SNRPN: variants seen among roughly 807,000 people sequenced by gnomAD.
The protein encoded by SNRPN is small nuclear ribonucleoprotein polypeptide N.
Under a neutral mutation model 25.2 loss-of-function variants are expected in SNRPN, and 7 were observed. That is an observed-to-expected ratio of 0.28 (90% CI 0.16 to 0.52). The LOEUF (loss-of-function observed/expected upper bound fraction) is 0.52. Among genes scored for constraint, SNRPN ranks in the 20% least tolerant of loss-of-function variants. The pLI is 0.96. For missense variants in SNRPN, 196 were observed against 322.5 expected (o/e 0.61, Z 3.00); for synonymous variants, 124 against 110.6 (o/e 1.12, Z -0.76).
At chr15:24,924,515 G>A (rs544684987) in intron 3 of SNRPN, among the ~76,000 whole-genome samples, 2 of 152,172 alleles carry the variant, frequency 1.3e-5, no homozygotes, top group South Asian at 4.1e-4. Flanking sequence ...ACCTCTGCCT[G>A]TATGAGCTGC....
At chr15:24,900,507 G>T (rs1161702584) in intron 2 of SNRPN, among the ~76,000 whole-genome samples, 1 of 152,078 alleles carries the variant, frequency 6.6e-6, no homozygotes, top group East Asian at 1.9e-4. Flanking sequence ...TTGCACAAAA[G>T]CTGGGTTAGA....
intron 3 of SNRPN, among the ~76,000 whole-genome samples, chr15:24,972,916 C>G (rs2076608394): frequency 6.6e-6 from 1 of 151,478 alleles, no homozygotes; most frequent in South Asian, 2.1e-4. Flanking sequence ...GAGATGGAGT[C>G]TTGCTCTGTT....
At position 24,977,763 on chromosome 15, in the gene SNRPN, G is replaced by A. The variant is rs755179082; in HGVS notation, c.421-15G>A. 1.4e-5 allele frequency: 22 copies of A among 1,579,954 alleles called. 1 individual carries two copies. Among genetic ancestry groups the A allele is most frequent in the African/African-American group, 1.2e-4 (9 of 73,416 alleles). The stretch of plus-strand genomic sequence containing the variant: ...GTTTGCATCGCTTTGACTGTTTCCC[G>A]CCCTGCCTTCTCAGGTAATGACTCC... On this transcript the variant is annotated splice_polypyrimidine_tract_variant and intron_variant, in intron 7 of 9. Coordinates refer to ENST00000390687, the MANE Select transcript of SNRPN (RefSeq NM_003097.6).
chr15:24,837,923 A>G (rs964521326), intron 2 of SNRPN, among the ~76,000 whole-genome samples: 2 of 149,864 alleles, frequency 1.3e-5, no homozygotes, highest in African/African-American at 2.5e-5. Flanking sequence ...GGGTTTCACC[A>G]TGTTTGCCAG....
intron 2 of SNRPN, among the ~76,000 whole-genome samples, chr15:24,846,157 A>C (rs1283874894): frequency 3.3e-5 from 5 of 152,070 alleles, no homozygotes; most frequent in Non-Finnish European, 7.4e-5. Flanking sequence ...ATATTTATTT[A>C]GATTTTTTTG....
At chr15:24,899,326 A>C (rs1224451986) in intron 2 of SNRPN, among the ~76,000 whole-genome samples, 1 of 152,212 alleles carries the variant, frequency 6.6e-6, no homozygotes, top group African/African-American at 2.4e-5. Context: ...CCAATTAATA[A>C]GCTGTTGCCT....
chr15:24,953,572 C>T (rs549761564), upstream of SNRPN, among the ~76,000 whole-genome samples: 2 of 152,276 alleles, frequency 1.3e-5, no homozygotes, highest in South Asian at 2.1e-4. Context: ...CTGCCCACCT[C>T]GGCCTCCCAA....
chr15:24,873,731 G>A (rs555924038), intron 1 of SNRPN, among the ~76,000 whole-genome samples: 1 of 152,162 alleles, frequency 6.6e-6, no homozygotes, highest in South Asian at 2.1e-4. Context: ...ACAGACGTGA[G>A]CCACCGTGCC....
At chr15:24,918,456 C>CATAATATATATGTGTGTATATATAAA (rs2059703195) in intron 2 of SNRPN, among the ~76,000 whole-genome samples, 1 of 115,036 alleles carries the variant, frequency 8.7e-6, no homozygotes, top group African/African-American at 3.2e-5. Flanking sequence ...ATATATATAA[C>CATAATATATATGTGTGTATATATAAA]ATAATATATA....
chr15:24,975,349 T>C lies in SNRPN; in HGVS notation c.4-9T>C. ...AAGCTGAACATGACTCTTGTCTTAC[T>C]GCTTCTAGACTGTTGGCAAGAGTAG... On this transcript the variant is annotated splice_polypyrimidine_tract_variant and intron_variant, in intron 4 of 9. Transcript: ENST00000390687. The C allele has an allele frequency of 1.2e-6, 2 of 1,610,858 alleles. No individual in the cohort carries two copies. The highest frequency in any genetic ancestry group is 1.7e-6 in the Non-Finnish European group (2 of 1,177,772).
At chr15:24,894,434 G>T (rs2057931433) in intron 2 of SNRPN, among the ~76,000 whole-genome samples, 1 of 152,104 alleles carries the variant, frequency 6.6e-6, no homozygotes, top group South Asian at 2.1e-4. Context: ...TAGCCAGGAT[G>T]TGTCTTGATC....
rs1372922501 is a variant in SNRPN, at chr15:24,837,634, G to A, written c.-579+7729G>A. On this transcript the variant is annotated intron_variant, in intron 2 of 12. Coordinates refer to the SNRPN transcript ENST00000400100. ...TCCACCCGCCTCGGCCACCCAAAGT[G>A]CTGGGATTACAGGCGTGAGCCACCA... Among the ~76,000 whole-genome samples, 5 of 152,106 alleles carry A rather than the reference G, an allele frequency of 3.3e-5. No homozygotes were observed. In the East Asian group the frequency reaches 9.7e-4, roughly 30 times the overall value.
At position 24,974,763 on chromosome 15, in the gene SNRPN, T is replaced by C. The variant is rs1009445913; in HGVS notation, c.3+307T>C. 9.8e-6 allele frequency: 6 copies of C among 613,920 alleles called. No individual in the cohort carries two copies. In the Admixed American group the frequency reaches 1.1e-4, roughly 12 times the overall value. The allele number at this position is 613,920 out of a possible 1,614,324, so 38.0% of individuals were successfully genotyped here. A position where few individuals can be genotyped will look rare whatever the true frequency, so the allele number is the denominator to read the frequency against. ...TATTAGAAACAGGGTTTCACTGTGTTGGCCAGGCTGGTCTCAGGCTCCTGA... is the reference window on the plus strand; with the variant it reads ...TATTAGAAACAGGGTTTCACTGTGTCGGCCAGGCTGGTCTCAGGCTCCTGA... On this transcript the variant is annotated intron_variant, in intron 4 of 9. Coordinates refer to ENST00000390687, the MANE Select transcript of SNRPN (RefSeq NM_003097.6).
chr15:24,900,472 A>G (rs1486382166), intron 2 of SNRPN, among the ~76,000 whole-genome samples: 5 of 152,158 alleles, frequency 3.3e-5, no homozygotes, highest in Non-Finnish European at 7.3e-5. Context: ...GCTTGTCTCT[A>G]TTGTTTGAAG....
At chr15:24,902,920 C>T (rs543326319) in intron 2 of SNRPN, among the ~76,000 whole-genome samples, 12 of 152,312 alleles carry the variant, frequency 7.9e-5, no homozygotes, top group Admixed American at 3.9e-4. Context: ...CTGCTGGCTC[C>T]GGTGGCCAGC....
intron 3 of SNRPN, among the ~76,000 whole-genome samples, chr15:24,922,595 G>A (rs980115182): frequency 3.3e-5 from 5 of 152,002 alleles, no homozygotes; most frequent in South Asian, 2.1e-4. Flanking sequence ...TTTATTCCTC[G>A]TGATTACATA....
intron 3 of SNRPN, among the ~76,000 whole-genome samples, chr15:24,930,741 A>AAT (rs2060786513): frequency 6.6e-6 from 1 of 152,084 alleles, no homozygotes; most frequent in African/African-American, 2.4e-5. Flanking sequence ...CTCTACTAAA[A>AAT]ATAAAAAATT....
chr15:24,876,752 G>A (rs770606330), intron 1 of SNRPN, among the ~76,000 whole-genome samples: 34 of 152,080 alleles, frequency 2.2e-4, no homozygotes, highest in Non-Finnish European at 4.0e-4. Context: ...TGATTGAATA[G>A]ATGAAGAATA....
chr15:24,958,575 A>G (rs2074261561), intron 1 of SNRPN, among the ~76,000 whole-genome samples: 1 of 142,866 alleles, frequency 7.0e-6, no homozygotes, highest in African/African-American at 2.6e-5. Flanking sequence ...TGCTAGACTC[A>G]AGCTATATCC....
Sources: allele counts gnomAD v4.1 joint callset (sites outside exome capture counted in the v4.1 genomes callset), GRCh38; gene constraint gnomAD v4.1.1; transcripts MANE v1.5; gene names NCBI Gene and HGNC (gene_info 2026-07-23, HGNC 2026-07-21).